GPSM2: variants seen among roughly 807,000 people sequenced by gnomAD.
The protein encoded by GPSM2 is G protein signaling modulator 2.
GPSM2 carries 58 observed loss-of-function variants against 78.4 expected under a neutral mutation model. The ratio of observed to expected loss-of-function variants is 0.74; its 90% CI spans 0.60 to 0.92. The LOEUF (loss-of-function observed/expected upper bound fraction) is 0.92, where lower values mean the gene tolerates loss of function less well. GPSM2 is among the 40% of genes least tolerant of loss of function. The pLI, the probability that GPSM2 is intolerant of heterozygous loss-of-function variation, is 0.00. For missense variants in GPSM2, 700 were observed against 815.5 expected (o/e 0.86, Z 1.73); for synonymous variants, 224 against 280.2 (o/e 0.80, Z 2.00).
At chr1:108,927,294 A>G (rs1054758564) in intron 14 of GPSM2, among the ~76,000 whole-genome samples, 3 of 152,228 alleles carry the variant, frequency 2.0e-5, no homozygotes, top group African/African-American at 7.2e-5. Context: ...AATAGAAAAT[A>G]TAGCCTAAAA....
rs1334928526 is a variant in GPSM2 at position 108,901,936 on chromosome 1, T to C, written c.944T>C (p.Leu315Pro). The C allele has an allele frequency of 6.2e-7, 1 of 1,607,354 alleles. No homozygotes were observed. Residue 315 changes from leucine to proline, a missense_variant, in exon 8 of 15, where the codon CTG becomes CCG. Physicochemically the swap from Leu to Pro is moderately conservative, Grantham distance 98 (BLOSUM62 -3). Coordinates refer to ENST00000264126, the MANE Select transcript of GPSM2 (RefSeq NM_013296.5). The stretch of plus-strand genomic sequence containing the variant: ...AAGCACTTAGCAATTGCTCAAGAGC[T>C]GAATGATAGGTATGTTTTACGTCTT... Reference protein sequence around the residue: ...HLKHLAIAQELNDRIGEGRAC... With the variant: ...HLKHLAIAQEPNDRIGEGRAC...
At chr1:108,922,060 T>TAGAC (rs58848633) in intron 12 of GPSM2, among the ~76,000 whole-genome samples, 54,024 of 151,666 alleles carry the variant, frequency 0.36, 11,178 homozygotes, top group African/African-American at 0.57. Flanking sequence ...TTTTCTTTCT[T>TAGAC]AGCTCTTACA....
intron 7 of GPSM2, 90 bp downstream of exon 7, chr1:108,899,084 A>C: frequency 1.3e-6 from 1 of 793,372 alleles, no homozygotes; most frequent in Non-Finnish European, 2.2e-6. Flanking sequence ...ATTGTAGCAG[A>C]ACTTTTGGCA....
At chr1:108,886,877 TG>T (rs1647589851) in intron 2 of GPSM2, among the ~76,000 whole-genome samples, 1 of 151,490 alleles carries the variant, frequency 6.6e-6, no homozygotes, top group African/African-American at 2.4e-5. Context: ...TGTGTGTGTG[TG>T]TTTTTGTGTT....
chr1:108,930,320 A>T lies in GPSM2; in HGVS notation c.*380A>T, dbSNP rs1651714027. ...GGCGTTTTTTTATACATAACCATGG[A>T]TGTAGTGGGAAACAATGTTGTTTGG... On this transcript the variant is annotated 3_prime_UTR_variant, in exon 15 of 15. Coordinates refer to ENST00000264126, the MANE Select transcript of GPSM2 (RefSeq NM_013296.5). The T allele has an allele frequency of 5.8e-6, 1 of 173,856 alleles. No individual in the cohort carries two copies. Among genetic ancestry groups the T allele is most frequent in the Non-Finnish European group, 1.2e-5 (1 of 81,490 alleles). 10.8% of individuals were successfully genotyped at this position (173,856 alleles called of 1,614,324 possible).
intron 11 of GPSM2, among the ~76,000 whole-genome samples, chr1:108,917,611 CATATATATATAT>C (rs55909258): frequency 0.032 from 716 of 22,410 alleles, 22 homozygotes; most frequent in African/African-American, 0.071. Flanking sequence ...CACACACACA[CATATATATATAT>C]ATATATATAT....
chr1:108,928,043 G>GAAC (rs976289468), intron 14 of GPSM2, among the ~76,000 whole-genome samples: 2 of 152,088 alleles, frequency 1.3e-5, no homozygotes, highest in Admixed American at 6.6e-5. Flanking sequence ...AGTGAGCAGG[G>GAAC]AACAACAACA....
chr1:108,904,112 G>A lies in GPSM2; in HGVS notation c.1063-13G>A. The A allele has an allele frequency of 2.6e-6, 4 of 1,568,248 alleles. No individual in the cohort carries two copies. The highest frequency in any genetic ancestry group is 3.5e-6 in the Non-Finnish European group (4 of 1,139,828). ...TTAAATACTACTCTAAAATATAAATGTTTGTGTTGTAGGTTGGGGATAAAA... is the reference window on the plus strand; with the variant it reads ...TTAAATACTACTCTAAAATATAAATATTTGTGTTGTAGGTTGGGGATAAAA... On this transcript the variant is annotated splice_polypyrimidine_tract_variant and intron_variant, in intron 9 of 14. Coordinates refer to ENST00000264126, the MANE Select transcript of GPSM2 (RefSeq NM_013296.5).
rs367778139 is a variant in GPSM2, at chr1:108,931,211, T to TAAAC, written c.*1277_*1280dup. ...GGTTAGGTCAAGAACCTAGGACACA[T>TAAAC]AAACAAACAGAAAACAGATGAAAAC... is the stretch of plus-strand genomic sequence containing the variant. On this transcript the variant is annotated 3_prime_UTR_variant, in exon 15 of 15. Transcript: ENST00000264126. 11 of 1,265,030 alleles carry TAAAC rather than the reference T, an allele frequency of 8.7e-6. No homozygotes were observed. The highest frequency in any genetic ancestry group is 1.5e-5 in the African/African-American group (1 of 66,104). The allele number at this position is 1,265,030 out of a possible 1,614,324, so 78.4% of individuals were successfully genotyped here.
At position 108,924,228 on chromosome 1, in the gene GPSM2, T is replaced by C. The variant is rs1257385561; in HGVS notation, c.1815+14T>C. ...GTAAAATGTCAAGTATGTCTGTATA[T>C]TTTTTTCGTTCTGCATACAGCTCAG... On this transcript the variant is annotated intron_variant, in intron 14 of 14. Transcript: ENST00000264126. 3 of 1,549,330 alleles carry C rather than the reference T, an allele frequency of 1.9e-6. No homozygotes were observed. The Admixed American group carries it at 5.0e-5, about 26-fold the overall frequency.
At position 108,887,763 on chromosome 1, in the gene GPSM2, A is replaced by G. The variant is rs1220998024; in HGVS notation, c.56+2185A>G. ...GACAGTCTGTGAGAGCATGCAGCCT[A>G]CCCCCATCCGTGTGTGGAGCTCAGC... On this transcript the variant is annotated intron_variant, in intron 2 of 14. Transcript: ENST00000264126. Among the ~76,000 whole-genome samples, 3 of 152,160 alleles carry G rather than the reference A, an allele frequency of 2.0e-5. No homozygotes were observed. The East Asian group carries it at 5.8e-4, about 29-fold the overall frequency.
intron 12 of GPSM2, 28 bp from the exon 13 acceptor site, chr1:108,922,389 T>G (rs1340514892): frequency 6.5e-7 from 1 of 1,529,682 alleles, no homozygotes; most frequent in East Asian, 2.3e-5. Context: ...AATATTCAAA[T>G]AAACTAGACT....
intron 14 of GPSM2, among the ~76,000 whole-genome samples, chr1:108,927,151 AAAC>A (rs1454831671): frequency 6.6e-6 from 1 of 152,260 alleles, no homozygotes; most frequent in Non-Finnish European, 1.5e-5. Flanking sequence ...AGATGAAAGA[AAAC>A]AAATGGAACA....
At chr1:108,908,694 C>G (rs1427854852) in intron 10 of GPSM2, among the ~76,000 whole-genome samples, 1 of 136,978 alleles carries the variant, frequency 7.3e-6, no homozygotes, top group Non-Finnish European at 1.6e-5. Context: ...CGCACACACA[C>G]ACAGCCGACA....
Position 108,897,476 on chromosome 1 carries a change from T to C in GPSM2, c.279-16T>C. 6.3e-7 allele frequency: 1 copy of C among 1,596,824 alleles called. No homozygotes were observed. Among genetic ancestry groups the C allele is most frequent in the Non-Finnish European group, 8.5e-7 (1 of 1,170,706 alleles). ...TACCATTTGGTTTTTTGTTTTTTGT[T>C]TTTTGTTTTTTTCAGGACTATTGGA... is the stretch of plus-strand genomic sequence containing the variant. On this transcript the variant is annotated splice_polypyrimidine_tract_variant and intron_variant, in intron 3 of 14. Transcript: ENST00000264126.
At chr1:108,898,591 A>C in intron 5 of GPSM2, 51 bp from the exon 6 acceptor site, 1 of 1,582,614 alleles carries the variant, frequency 6.3e-7, no homozygotes, top group South Asian at 1.1e-5. Flanking sequence ...AATCACATAC[A>C]TAAAATTGTT....
chr1:108,918,825 G>A, intron 12 of GPSM2, 36 bp downstream of exon 12: 1 of 1,410,864 alleles, frequency 7.1e-7, no homozygotes, highest in East Asian at 2.3e-5. Context: ...ATTGTGTTTT[G>A]AGTACCGACA....
intron 2 of GPSM2, among the ~76,000 whole-genome samples, chr1:108,893,044 A>G (rs1294405125): frequency 1.3e-5 from 2 of 152,204 alleles, no homozygotes; most frequent in Admixed American, 1.3e-4. Context: ...TTCTTATGAC[A>G]ATTATGTAAA....
rs547448449 is a variant in GPSM2 at position 108,922,476 on chromosome 1, A to G, written c.1500A>G (p.Gln500=). 1.2e-6 allele frequency: 2 copies of G among 1,612,392 alleles called. No homozygotes were observed. Among genetic ancestry groups the G allele is most frequent in the East Asian group, 2.2e-5 (1 of 44,830 alleles). ...EGFFDLLSRF[Q]SNRMDDQRCC... is the part of the protein sequence containing the mutation. ...TCTTTGACTTATTAAGCCGATTTCA[A>G]AGCAATAGGATGGATGATCAGAGAT... The change falls in exon 13 of 15, where the codon CAA becomes CAG. Residue 500 remains glutamine (Q), a synonymous_variant. Transcript: ENST00000264126.
Sources: allele counts gnomAD v4.1 joint callset (sites outside exome capture counted in the v4.1 genomes callset), GRCh38; gene constraint gnomAD v4.1.1; transcripts MANE v1.5; gene names NCBI Gene and HGNC (gene_info 2026-07-23, HGNC 2026-07-21).